LRBA: variants seen among roughly 807,000 people sequenced by gnomAD.
LRBA encodes LPS responsive beige-like anchor protein, also known as lipopolysaccharide-responsive and beige-like anchor protein.
A neutral mutation model predicts 330.0 loss-of-function variants in LRBA; 176 were observed. The observed-to-expected ratio is 0.53, with a 90% CI of 0.47 to 0.60. The LOEUF is 0.60. LRBA is among the 20% of genes least tolerant of loss of function. The pLI is 0.00. For synonymous variants in LRBA, 1,230 were observed against 1,193.0 expected (o/e 1.03, Z -0.64); for missense variants, 3,259 against 3,444.8 (o/e 0.95, Z 1.35).
chr4:150,927,078 GA>G lies in LRBA; in HGVS notation c.549+1437del, dbSNP rs1340151435. 8.1e-3 allele frequency among the ~76,000 whole-genome samples: 866 copies of G among 107,014 alleles called. 7 individuals are homozygous for G. Among genetic ancestry groups the G allele is most frequent in the African/African-American group, 0.022 (658 of 29,416 alleles). The allele number at this position is 107,014 out of a possible 152,430, so 70.2% of individuals were successfully genotyped here. A position where few individuals can be genotyped will look rare whatever the true frequency, so the allele number is the denominator to read the frequency against. On this transcript the variant is annotated intron_variant, in intron 4 of 56. Transcript: ENST00000651943. ...GAGCAAGACTCCGTCTCAAAAGAAAGAAAAAAAAAAAAAAGGCCAGGCGCGG... is the reference window on the plus strand; with the variant it reads ...GAGCAAGACTCCGTCTCAAAAGAAAGAAAAAAAAAAAAAGGCCAGGCGCGG...
At position 150,435,947 on chromosome 4, in the gene LRBA, G is replaced by C. The variant is rs201803237; in HGVS notation, c.6922-239C>G. Among the ~76,000 whole-genome samples, 23 of 152,120 alleles carry C rather than the reference G, an allele frequency of 1.5e-4. 1 individual carries two copies. In the East Asian group the frequency reaches 3.9e-3, roughly 26 times the overall value. On this transcript the variant is annotated intron_variant, in intron 45 of 56. Transcript: ENST00000651943. ...GTATTTGCAACATTTTCTTCAGGTA[G>C]CCTTCCTTTCCAAGAATAATGTATT...
intron 9 of LRBA, among the ~76,000 whole-genome samples, chr4:150,912,119 T>C (rs1235917022): frequency 1.3e-5 from 2 of 152,170 alleles, no homozygotes; most frequent in African/African-American, 2.4e-5. Context: ...ATTTTGCTGA[T>C]GTTTAATTAA....
At chr4:150,315,693 G>GGTTTGACTTATGCATT in intron 50 of LRBA, 70 bp from the exon 51 acceptor site, 2 of 914,634 alleles carry the variant, frequency 2.2e-6, no homozygotes, top group Non-Finnish European at 3.3e-6. Flanking sequence ...AAATGCATAA[G>GGTTTGACTTATGCATT]TCAAACCTTA....
chr4:150,982,197 C>T (rs1740927030), intron 2 of LRBA, among the ~76,000 whole-genome samples: 1 of 151,976 alleles, frequency 6.6e-6, no homozygotes, highest in African/African-American at 2.4e-5. Context: ...GTAGTATGAT[C>T]GATCTGGTCT....
chr4:150,490,853 T>A, intron 41 of LRBA, 65 bp downstream of exon 41: 1 of 911,070 alleles, frequency 1.1e-6, no homozygotes, highest in Non-Finnish European at 1.7e-6. Context: ...TATGGTATGT[T>A]CAAAAATGAA....
At chr4:150,339,407 C>G (rs1581054625) in intron 48 of LRBA, among the ~76,000 whole-genome samples, 1 of 152,254 alleles carries the variant, frequency 6.6e-6, no homozygotes, top group African/African-American at 2.4e-5. Flanking sequence ...GACCTCTGAA[C>G]AGCCAAAAAC....
chr4:150,839,688 G>A (rs1407385844), intron 28 of LRBA, among the ~76,000 whole-genome samples: 1 of 152,148 alleles, frequency 6.6e-6, no homozygotes, highest in Non-Finnish European at 1.5e-5. Context: ...ATTGAACAAT[G>A]AGAACACTTG....
chr4:150,716,543 T>C (rs750098089), intron 36 of LRBA, among the ~76,000 whole-genome samples: 1 of 152,200 alleles, frequency 6.6e-6, no homozygotes, highest in Non-Finnish European at 1.5e-5. Context: ...ATAAATGACT[T>C]TCACTCTTTA....
intron 40 of LRBA, among the ~76,000 whole-genome samples, chr4:150,541,267 A>T (rs528163596): frequency 9.9e-5 from 15 of 152,254 alleles, no homozygotes; most frequent in African/African-American, 3.1e-4. Flanking sequence ...CTCCACCTAT[A>T]AAAAGGTTTC....
Position 150,929,072 on chromosome 4 carries a change from A to AG in LRBA, c.217-8dup. On this transcript the variant is annotated splice_region_variant and splice_polypyrimidine_tract_variant and intron_variant, in intron 2 of 56. Transcript: ENST00000651943. The stretch of plus-strand genomic sequence containing the variant: ...CAAACTGTCCTCCTACCAACTTACA[A>AG]GGAAAAAAAAAAAACACATTAAAAG... 1.3e-6 allele frequency: 2 copies of AG among 1,564,470 alleles called. No homozygotes were observed. Among genetic ancestry groups the AG allele is most frequent in the Non-Finnish European group, 1.7e-6 (2 of 1,143,476 alleles).
chr4:150,514,648 T>C (rs1047946632), intron 40 of LRBA, among the ~76,000 whole-genome samples: 1 of 152,120 alleles, frequency 6.6e-6, no homozygotes, highest in Admixed American at 6.6e-5. Context: ...ACCTCAATTC[T>C]GGCACTTGTA....
At chr4:150,569,427 A>G (rs999528317) in intron 40 of LRBA, among the ~76,000 whole-genome samples, 17 of 152,284 alleles carry the variant, frequency 1.1e-4, no homozygotes, top group African/African-American at 3.8e-4. Flanking sequence ...AAGCTGTGTT[A>G]ATAATAAAGA....
intron 37 of LRBA, among the ~76,000 whole-genome samples, chr4:150,630,545 C>A (rs550577721): frequency 1.3e-5 from 2 of 152,294 alleles, no homozygotes; most frequent in East Asian, 3.9e-4. Flanking sequence ...TTAACACATA[C>A]TGTAGTTTAT....
chr4:150,997,959 T>C (rs1742867627), intron 2 of LRBA, among the ~76,000 whole-genome samples: 1 of 152,102 alleles, frequency 6.6e-6, no homozygotes, highest in South Asian at 2.1e-4. Context: ...CCACCTCGGC[T>C]TCCCAAAGTG....
At chr4:150,697,859 A>T (rs1313704822) in intron 36 of LRBA, among the ~76,000 whole-genome samples, 1 of 152,024 alleles carries the variant, frequency 6.6e-6, no homozygotes, top group Non-Finnish European at 1.5e-5. Flanking sequence ...TTTAGCACTG[A>T]TGCCTTTGAT....
At chr4:150,854,632 G>A (rs563312435) in intron 22 of LRBA, among the ~76,000 whole-genome samples, 116 of 152,314 alleles carry the variant, frequency 7.6e-4, no homozygotes, top group Middle Eastern at 3.4e-3. Flanking sequence ...AAGTCTAGGC[G>A]AGAAGGTGTA....
At chr4:150,309,683 A>G (rs1414377200) in intron 52 of LRBA, among the ~76,000 whole-genome samples, 1 of 152,154 alleles carries the variant, frequency 6.6e-6, no homozygotes, top group African/African-American at 2.4e-5. Context: ...GAATATATAG[A>G]CTGAAAATTT....
intron 17 of LRBA, among the ~76,000 whole-genome samples, chr4:150,892,612 C>T (rs77044164): frequency 0.023 from 3,495 of 152,238 alleles, 122 homozygotes; most frequent in African/African-American, 0.08. Flanking sequence ...ATCCAATCTA[C>T]GGTATTTGAT....
intron 48 of LRBA, among the ~76,000 whole-genome samples, chr4:150,348,238 A>G (rs7659675): frequency 0.81 from 123,685 of 152,136 alleles, 51,437 homozygotes; most frequent in Non-Finnish European, 0.92. Context: ...TAGAGGAAAT[A>G]ACTAGCTGAT....
Sources: gnomAD v4.1 joint callset for allele counts (sites outside exome capture counted in the v4.1 genomes callset) on GRCh38, gnomAD v4.1.1 for gene constraint, MANE v1.5 for transcripts, NCBI Gene and HGNC (gene_info 2026-07-23, HGNC 2026-07-21) for gene names.